Variants in NSL1 observed in about 807,000 individuals in gnomAD.
NSL1 encodes the protein NSL1 component of MIS12 kinetochore complex, also known as kinetochore-associated protein NSL1 homolog.
Under a neutral mutation model 25.4 loss-of-function variants are expected in NSL1, and 11 were observed. The observed-to-expected ratio is 0.43, with a 90% CI of 0.27 to 0.72. The LOEUF (loss-of-function observed/expected upper bound fraction) is 0.72, where lower values mean the gene tolerates loss of function less well. Ranked by LOEUF, NSL1 falls within the 30% of genes least tolerant of loss-of-function variation. The probability of loss-of-function intolerance (pLI) is 0.19; values close to 1 mark genes in which losing one functional copy is unlikely to be tolerated. For missense variants in NSL1, 330 were observed against 342.7 expected (o/e 0.96, Z 0.29); for synonymous variants, 118 against 120.6 (o/e 0.98, Z 0.14).
At chr1:212,742,430 T>C (rs1276756486) in intron 4 of NSL1, among the ~76,000 whole-genome samples, 3 of 152,148 alleles carry the variant, frequency 2.0e-5, no homozygotes, top group Non-Finnish European at 4.4e-5. Context: ...CAAGACAAAG[T>C]ACTGACTGTT....
chr1:212,768,388 A>G (rs920516008), intron 4 of NSL1, among the ~76,000 whole-genome samples: 2 of 151,960 alleles, frequency 1.3e-5, no homozygotes, highest in African/African-American at 2.4e-5. Flanking sequence ...CCACCACTAG[A>G]TATCTACCCC....
chr1:212,745,500 A>G (rs2262891), intron 4 of NSL1, among the ~76,000 whole-genome samples: 12,601 of 152,120 alleles, frequency 0.083, 820 homozygotes, highest in African/African-American at 0.18. Flanking sequence ...AGACATCCTC[A>G]ATCAGATTAA....
intron 4 of NSL1, 122 bp downstream of exon 4, chr1:212,782,250 G>C: frequency 1.3e-6 from 1 of 749,946 alleles, no homozygotes; most frequent in Non-Finnish European, 2.4e-6. Flanking sequence ...TGAATGACTG[G>C]TAGGAAGTTA....
intron 4 of NSL1, among the ~76,000 whole-genome samples, chr1:212,759,198 T>A (rs2102451665): frequency 6.6e-6 from 1 of 152,042 alleles, no homozygotes; most frequent in African/African-American, 2.4e-5. Context: ...AATAGGTAAA[T>A]TAGATTTTGC....
At chr1:212,766,147 A>AG in intron 4 of NSL1, 1 of 489,316 alleles carries the variant, frequency 2.0e-6, no homozygotes, top group Non-Finnish European at 3.7e-6. Flanking sequence ...AAAAAAAAAA[A>AG]ACAAAAAAAC....
chr1:212,749,358 TTTTTG>T, intron 4 of NSL1, among the ~76,000 whole-genome samples: 1 of 147,036 alleles, frequency 6.8e-6, no homozygotes, highest in Non-Finnish European at 1.5e-5. Flanking sequence ...TTTTTTTTTT[TTTTTG>T]AGACAGGGTC....
Position 212,732,028 on chromosome 1 carries a change from A to AT in NSL1, c.*6379dup, listed in dbSNP as rs11342201. 0.15 allele frequency: 135,270 copies of AT among 909,028 alleles called. 2,105 individuals carry two copies. The highest frequency in any genetic ancestry group is 0.21 in the South Asian group (4,052 of 19,560). The allele number at this position is 909,028 out of a possible 1,614,324, so 56.3% of individuals were successfully genotyped here. On this transcript the variant is annotated 3_prime_UTR_variant, in exon 6 of 6. Transcript: ENST00000366977. ...TTAGCCTCCCAGTGTAACTGTCCCA[A>AT]TTTTTTTTTTTTTTTTTTACTGAAT...
At chr1:212,762,115 T>A (rs188939789) in intron 4 of NSL1, among the ~76,000 whole-genome samples, 2 of 151,960 alleles carry the variant, frequency 1.3e-5, no homozygotes, top group Admixed American at 1.3e-4. Flanking sequence ...CTGGACAACA[T>A]GGTGAAACCA....
rs572769491 is a variant in NSL1 at position 212,784,934 on chromosome 1, G to C, written c.314-441C>G. On this transcript the variant is annotated intron_variant, in intron 2 of 5. Transcript: ENST00000366977. ...GTATAAGTCCAATGGATAAAAAGTGGTACGGGAAAAAAGGAATAGGGAGAA... is the reference window on the plus strand; with the variant it reads ...GTATAAGTCCAATGGATAAAAAGTGCTACGGGAAAAAAGGAATAGGGAGAA... Among the ~76,000 whole-genome samples, 7 of 152,272 alleles carry C rather than the reference G, an allele frequency of 4.6e-5. No individual in the cohort carries two copies. In the South Asian group the frequency reaches 1.5e-3, roughly 32 times the overall value.
Position 212,727,143 on chromosome 1 carries a change from T to G in NSL1, c.*11265A>C, listed in dbSNP as rs1408605634. ...AAGGTTCCCCGATCCCCTTCTCTCC[T>G]AAACTGCCCCTAGAGCTAGTCCACC... On this transcript the variant is annotated 3_prime_UTR_variant, in exon 6 of 6. Transcript: ENST00000366977. The G allele has an allele frequency of 6.3e-7, 1 of 1,579,872 alleles. No homozygotes were observed. Among genetic ancestry groups the G allele is most frequent in the Non-Finnish European group, 8.6e-7 (1 of 1,163,036 alleles).
At chr1:212,759,569 G>A (rs561255022) in intron 4 of NSL1, among the ~76,000 whole-genome samples, 2 of 152,234 alleles carry the variant, frequency 1.3e-5, no homozygotes, top group African/African-American at 4.8e-5. Flanking sequence ...TAATTCCAGA[G>A]AGATAGCACT....
At chr1:212,783,949 T>A (rs1287671247) in intron 3 of NSL1, among the ~76,000 whole-genome samples, 1 of 152,102 alleles carries the variant, frequency 6.6e-6, no homozygotes, top group Non-Finnish European at 1.5e-5. Context: ...TAAAACAATC[T>A]TCATCATCAA....
At chr1:212,770,748 A>C (rs925025944) in intron 4 of NSL1, among the ~76,000 whole-genome samples, 5 of 152,238 alleles carry the variant, frequency 3.3e-5, no homozygotes, top group Non-Finnish European at 7.3e-5. Flanking sequence ...ACAAAAAAGA[A>C]AACTACAGGC....
rs1353591655 is a variant in NSL1, at chr1:212,728,902, T to C, written c.*9506A>G. ...GTGGGGAGGCCAGAGTCCACCACTC[T>C]GGCAAAGAGCAGTGTTTATTTGTGT... On this transcript the variant is annotated 3_prime_UTR_variant, in exon 6 of 6. Transcript: ENST00000366977. 1 of 985,302 alleles carries C rather than the reference T, an allele frequency of 1.0e-6. No homozygotes were observed. Among genetic ancestry groups the C allele is most frequent in the Non-Finnish European group, 1.2e-6 (1 of 829,938 alleles). The allele number at this position is 985,302 out of a possible 1,614,324, so 61.0% of individuals were successfully genotyped here.
At chr1:212,746,739 G>A (rs772449395) in intron 4 of NSL1, among the ~76,000 whole-genome samples, 1 of 152,232 alleles carries the variant, frequency 6.6e-6, no homozygotes, top group Non-Finnish European at 1.5e-5. Flanking sequence ...ACAACTTTAT[G>A]AATGTGCTGC....
chr1:212,786,231 T>A (rs1660939204), intron 2 of NSL1, among the ~76,000 whole-genome samples: 1 of 152,108 alleles, frequency 6.6e-6, no homozygotes, highest in Non-Finnish European at 1.5e-5. Context: ...AGTCTGAGAT[T>A]TTAGTGCACT....
intron 4 of NSL1, among the ~76,000 whole-genome samples, chr1:212,750,724 G>A (rs1659030652): frequency 6.6e-6 from 1 of 152,128 alleles, no homozygotes; most frequent in South Asian, 2.1e-4. Flanking sequence ...TAAATCACCT[G>A]AGGTCAGGAG....
chr1:212,791,602 G>C lies in NSL1; in HGVS notation c.162C>G (p.Gly54=), dbSNP rs774538862. The change falls in exon 1 of 6, where the codon GGC becomes GGG. Residue 54 remains glycine, a synonymous_variant. Transcript: ENST00000366977. ...CGTCCCCGAGCTTTTGCACGAAGCG[G>C]CCGCACAGTTGTAGCATTTCGGTCA... ...RAVTEMLQLC[G]RFVQKLGDAL... The C allele has an allele frequency of 1.2e-6, 2 of 1,613,812 alleles. No homozygotes were observed. Among genetic ancestry groups the C allele is most frequent in the African/African-American group, 2.7e-5 (2 of 74,918 alleles).
chr1:212,780,017 T>C (rs1345197307), intron 4 of NSL1, among the ~76,000 whole-genome samples: 23 of 151,076 alleles, frequency 1.5e-4, no homozygotes, highest in African/African-American at 5.4e-4. Context: ...CAACAGCTCA[T>C]TGAGAACGGG....
Sources: allele counts gnomAD v4.1 joint callset (sites outside exome capture counted in the v4.1 genomes callset), GRCh38; gene constraint gnomAD v4.1.1; transcripts MANE v1.5; gene names NCBI Gene and HGNC (gene_info 2026-07-23, HGNC 2026-07-21).